Variants in FBXL17 observed in about 807,000 individuals in gnomAD.
The protein encoded by FBXL17 is F-box and leucine rich repeat protein 17.
FBXL17 carries 22 observed loss-of-function variants against 66.2 expected under a neutral mutation model. The ratio of observed to expected loss-of-function variants is 0.33; its 90% CI spans 0.24 to 0.47. FBXL17 has a LOEUF of 0.47. FBXL17 is among the 20% of genes least tolerant of loss of function. The pLI, the probability that FBXL17 is intolerant of heterozygous loss-of-function variation, is 1.00. For synonymous variants in FBXL17, 474 were observed against 400.5 expected (o/e 1.18, Z -2.19); for missense variants, 878 against 948.2 (o/e 0.93, Z 0.97).
intron 5 of FBXL17, among the ~76,000 whole-genome samples, chr5:108,197,203 AC>A (rs1753714067): frequency 1.3e-5 from 2 of 152,200 alleles, no homozygotes; most frequent in Non-Finnish European, 2.9e-5. Context: ...CAGCCTTGTC[AC>A]TTTTTTACCC....
rs573471565 is a variant in FBXL17 at position 108,209,943 on chromosome 5, A to G, written c.1614+14178T>C. On this transcript the variant is annotated intron_variant, in intron 5 of 8. Transcript: ENST00000542267. Reference sequence around the variant, plus strand: ...CTGCTGTGAATCCGTCTGGTCCCAGACTTTTTTTTGGTTGGCAGACTATTA... The same window carrying G: ...CTGCTGTGAATCCGTCTGGTCCCAGGCTTTTTTTTGGTTGGCAGACTATTA... 2.0e-5 allele frequency among the ~76,000 whole-genome samples: 3 copies of G among 152,096 alleles called. No homozygotes were observed. In the East Asian group the frequency reaches 5.8e-4, roughly 29 times the overall value.
intron 6 of FBXL17, among the ~76,000 whole-genome samples, chr5:108,121,067 C>T (rs55665551): frequency 0.058 from 8,811 of 152,242 alleles, 454 homozygotes; most frequent in African/African-American, 0.14. Context: ...CGGTGGCTCA[C>T]GCCTGCAATC....
intron 6 of FBXL17, among the ~76,000 whole-genome samples, chr5:108,133,816 GCTCCCATTTCCTTGT>G (rs1266756789): frequency 1.4e-3 from 214 of 152,198 alleles, no homozygotes; most frequent in African/African-American, 4.8e-3. Flanking sequence ...TAATTTTTAT[GCTCCCATTTCCTTGT>G]CTGTAAAAAT....
intron 7 of FBXL17, among the ~76,000 whole-genome samples, chr5:107,984,277 T>C (rs1752934491): frequency 1.3e-5 from 2 of 152,166 alleles, no homozygotes; most frequent in Non-Finnish European, 2.9e-5. Context: ...CCCATTTCCC[T>C]CTCCCTAAAC....
intron 6 of FBXL17, among the ~76,000 whole-genome samples, chr5:108,148,567 T>C (rs1751648949): frequency 6.6e-6 from 1 of 152,182 alleles, no homozygotes. Context: ...AAGCAAGTCA[T>C]AGAGGAATAC....
At chr5:108,357,543 C>T (rs960098682) in intron 3 of FBXL17, among the ~76,000 whole-genome samples, 5 of 151,998 alleles carry the variant, frequency 3.3e-5, no homozygotes, top group East Asian at 1.9e-4. Context: ...TCTTCTCTAA[C>T]GCACATGGAA....
chr5:108,370,559 A>G (rs576028573), intron 1 of FBXL17, among the ~76,000 whole-genome samples: 1 of 152,252 alleles, frequency 6.6e-6, no homozygotes, highest in Non-Finnish European at 1.5e-5. Flanking sequence ...CCTGGCCAAT[A>G]TGGTGAAATC....
intron 4 of FBXL17, chr5:108,298,411 G>T: frequency 1.0e-6 from 1 of 977,660 alleles, no homozygotes. Context: ...AATAAATCAA[G>T]ACAATCATAG....
chr5:107,955,004 T>C (rs992571630), intron 7 of FBXL17, among the ~76,000 whole-genome samples: 2 of 152,120 alleles, frequency 1.3e-5, no homozygotes, highest in Non-Finnish European at 2.9e-5. Context: ...GAATGGAATA[T>C]GTAAAGCACT....
chr5:107,878,451 G>T, intron 8 of FBXL17: 1 of 603,590 alleles, frequency 1.7e-6, no homozygotes, highest in Non-Finnish European at 2.1e-6. Flanking sequence ...TACAAGATAG[G>T]TACTAGTATC....
rs1427983362 is a variant in FBXL17, at chr5:108,381,301, C to CA, written c.390dup (p.Ala131CysfsTer164). ...GAGGCGGGCGACGAAGCCGAGGCGG[C>CA]AGCGGCGGCGGCGGCGGCGGCCGAG... is the stretch of plus-strand genomic sequence containing the variant. On this transcript the variant is annotated frameshift_variant, in exon 1 of 9. Coordinates refer to ENST00000542267, the MANE Select transcript of FBXL17 (RefSeq NM_001163315.3). LOFTEE classifies it high-confidence loss of function. 1.4e-6 allele frequency: 2 copies of CA among 1,403,464 alleles called. No individual in the cohort carries two copies. Among genetic ancestry groups the CA allele is most frequent in the African/African-American group, 3.0e-5 (2 of 66,318 alleles). The allele number at this position is 1,403,464 out of a possible 1,614,324, so 86.9% of individuals were successfully genotyped here. A position where few individuals can be genotyped will look rare whatever the true frequency, so the allele number is the denominator to read the frequency against.
intron 6 of FBXL17, among the ~76,000 whole-genome samples, chr5:108,172,490 T>G (rs1752644485): frequency 1.3e-5 from 2 of 152,252 alleles, no homozygotes; most frequent in African/African-American, 4.8e-5. Flanking sequence ...TGACATCTTC[T>G]ATCTTCTACA....
chr5:108,205,600 G>A (rs1233436984), intron 5 of FBXL17, among the ~76,000 whole-genome samples: 2 of 151,954 alleles, frequency 1.3e-5, no homozygotes, highest in Non-Finnish European at 2.9e-5. Flanking sequence ...AGAGAAACTG[G>A]GTCATTTGCG....
At chr5:108,184,435 T>C (rs1038335600) in intron 6 of FBXL17, among the ~76,000 whole-genome samples, 1 of 152,020 alleles carries the variant, frequency 6.6e-6, no homozygotes, top group East Asian at 1.9e-4. Flanking sequence ...GCCTCCCAAG[T>C]AGCTGGGACT....
chr5:108,037,466 G>A (rs1053067603), intron 6 of FBXL17, among the ~76,000 whole-genome samples: 6 of 152,100 alleles, frequency 3.9e-5, no homozygotes, highest in Non-Finnish European at 7.4e-5. Context: ...TAGTTTAAAG[G>A]TACATTTTAT....
intron 8 of FBXL17, among the ~76,000 whole-genome samples, chr5:107,867,626 T>C (rs1296932767): frequency 6.6e-6 from 1 of 152,246 alleles, no homozygotes; most frequent in African/African-American, 2.4e-5. Flanking sequence ...AGTTATCTGA[T>C]GGCAAAGAAT....
intron 6 of FBXL17, among the ~76,000 whole-genome samples, chr5:108,088,571 C>G (rs1461690449): frequency 6.6e-6 from 1 of 151,746 alleles, no homozygotes; most frequent in Non-Finnish European, 1.5e-5. Context: ...CATGGTGGCA[C>G]GCACCTGTAG....
At chr5:107,888,023 TCTTTA>T (rs1749032701) in intron 7 of FBXL17, among the ~76,000 whole-genome samples, 1 of 152,240 alleles carries the variant, frequency 6.6e-6, no homozygotes, top group Non-Finnish European at 1.5e-5. Flanking sequence ...CTTTTAAATC[TCTTTA>T]CTTCTAATTA....
At chr5:107,903,380 G>A (rs1470686457) in intron 7 of FBXL17, among the ~76,000 whole-genome samples, 2 of 152,168 alleles carry the variant, frequency 1.3e-5, no homozygotes, top group Admixed American at 1.3e-4. Flanking sequence ...ACTTGAAACA[G>A]TATCTCATCC....
Sources: gnomAD v4.1 joint callset for allele counts (sites outside exome capture counted in the v4.1 genomes callset) on GRCh38, gnomAD v4.1.1 for gene constraint, MANE v1.5 for transcripts, NCBI Gene and HGNC (gene_info 2026-07-23, HGNC 2026-07-21) for gene names.